ACAP2: variants seen among roughly 807,000 people sequenced by gnomAD.
ACAP2 encodes the protein ArfGAP with coiled-coil, ankyrin repeat and PH domains 2.
In ACAP2, 39 loss-of-function variants were observed where a neutral mutation model predicts 115.8. That is an observed-to-expected ratio of 0.34 (90% CI 0.26 to 0.44). The LOEUF (loss-of-function observed/expected upper bound fraction) is 0.44, where lower values mean the gene tolerates loss of function less well. ACAP2 is among the 20% of genes least tolerant of loss of function. The probability of loss-of-function intolerance (pLI) is 1.00; values close to 1 mark genes in which losing one functional copy is unlikely to be tolerated. For synonymous variants in ACAP2, 289 were observed against 315.8 expected (o/e 0.92, Z 0.90); for missense variants, 662 against 927.6 (o/e 0.71, Z 3.72).
intron 10 of ACAP2, among the ~76,000 whole-genome samples, chr3:195,316,209 T>G (rs966115853): frequency 2.6e-5 from 4 of 151,812 alleles, no homozygotes; most frequent in African/African-American, 7.3e-5. Context: ...TTTTGTTTTT[T>G]TTTTTTTCCA....
intron 7 of ACAP2, chr3:195,335,892 C>CTTTTTTTTTTTTTTTT (rs869135331): frequency 1.1e-5 from 1 of 90,122 alleles, no homozygotes; most frequent in Non-Finnish European, 2.0e-5. Flanking sequence ...ACTTCGTTGG[C>CTTTTTTTTTTTTTTTT]TTTTTTTTTT....
intron 4 of ACAP2, among the ~76,000 whole-genome samples, chr3:195,347,949 T>A (rs1463225379): frequency 6.6e-6 from 1 of 152,012 alleles, no homozygotes; most frequent in Non-Finnish European, 1.5e-5. Flanking sequence ...GAGTTCAAGG[T>A]TGCAGTGAGC....
At chr3:195,377,142 T>TTTTTTTTTTTTTTC (rs1733606646) in intron 4 of ACAP2, among the ~76,000 whole-genome samples, 1 of 134,348 alleles carries the variant, frequency 7.4e-6, no homozygotes, top group East Asian at 2.4e-4. Context: ...GTAAATCTTT[T>TTTTTTTTTTTTTTC]TTTTTTTTTT....
chr3:195,360,274 A>T (rs151323598), intron 4 of ACAP2, among the ~76,000 whole-genome samples: 90 of 152,332 alleles, frequency 5.9e-4, no homozygotes, highest in African/African-American at 2.0e-3. Context: ...TTTTTAAGAG[A>T]CAAAGAAGGT....
chr3:195,434,313 G>A (rs1043911813), intron 1 of ACAP2, among the ~76,000 whole-genome samples: 2 of 152,076 alleles, frequency 1.3e-5, no homozygotes, highest in Admixed American at 6.6e-5. Flanking sequence ...GCTCACTGTA[G>A]CCTCAACATT....
At chr3:195,402,873 G>A (rs528743748) in intron 1 of ACAP2, among the ~76,000 whole-genome samples, 5 of 152,128 alleles carry the variant, frequency 3.3e-5, no homozygotes, top group South Asian at 2.1e-4. Context: ...AACAACAAAC[G>A]GCAGCAAATG....
intron 1 of ACAP2, among the ~76,000 whole-genome samples, chr3:195,437,001 T>C (rs1715592713): frequency 2.0e-5 from 3 of 152,214 alleles, no homozygotes; most frequent in Non-Finnish European, 2.9e-5. Context: ...TAAATTTCTA[T>C]ATGATAAAAG....
Sources: gnomAD v4.1 joint callset for allele counts (sites outside exome capture counted in the v4.1 genomes callset) on GRCh38, gnomAD v4.1.1 for gene constraint, MANE v1.5 for transcripts, NCBI Gene and HGNC (gene_info 2026-07-23, HGNC 2026-07-21) for gene names.